COL6A6: variants seen among roughly 807,000 people sequenced by gnomAD.
COL6A6 encodes collagen type VI alpha 6 chain, also known as collagen alpha-6(VI) chain.
A neutral mutation model predicts 208.6 loss-of-function variants in COL6A6; 183 were observed. The observed-to-expected ratio is 0.88, with a 90% CI of 0.78 to 0.99. The LOEUF is 0.99. Among genes scored for constraint, COL6A6 ranks in the 50% least tolerant of loss-of-function variants. COL6A6 has a pLI of 0.00. For synonymous variants in COL6A6, 973 were observed against 1,011.8 expected, an observed-to-expected ratio of 0.96 and a Z score of 0.73; for missense variants, 2,816 against 2,815.2, an observed-to-expected ratio of 1.00 and a Z score of -0.01.
At chr3:130,567,728 T>C (rs952919277) in intron 5 of COL6A6, among the ~76,000 whole-genome samples, 3 of 138,386 alleles carry the variant, frequency 2.2e-5, no homozygotes, top group African/African-American at 1.1e-4. Context: ...AGGGTGCTCC[T>C]GTCATCTAAG....
In COL6A6 at chr3:130,517,328, C is replaced by A. The variant is rs995885286; in HGVS notation, c.-101C>A. ...CGCGGTGCGCCCTGCCCGCGCAGTG[C>A]GCGTCCAGAGGAAATCCGCCCCGGG... is the stretch of plus-strand genomic sequence containing the variant. On this transcript the variant is annotated 5_prime_UTR_variant, in exon 1 of 37. Transcript: ENST00000358511. 6.6e-6 allele frequency among the ~76,000 whole-genome samples: 1 copy of A among 152,252 alleles called. No homozygotes were observed. The highest frequency in any genetic ancestry group is 1.5e-5 in the Non-Finnish European group (1 of 68,048).
Position 130,550,685 on chromosome 3 carries a change from G to A in COL6A6, c.-31-9649G>A, listed in dbSNP as rs144673540. Among the ~76,000 whole-genome samples, 3 of 152,254 alleles carry A rather than the reference G, an allele frequency of 2.0e-5. No homozygotes were observed. In the East Asian group the frequency reaches 5.8e-4, roughly 29 times the overall value. On this transcript the variant is annotated intron_variant, in intron 1 of 36. Coordinates refer to ENST00000358511, the MANE Select transcript of COL6A6 (RefSeq NM_001102608.3). ...AGACTTATTCACTATCACAAGAATA[G>A]CAAGGGAAAGACCAGCCCCAAGATT...
chr3:130,641,198 G>A (rs532970203), intron 28 of COL6A6, among the ~76,000 whole-genome samples: 32 of 144,442 alleles, frequency 2.2e-4, no homozygotes, highest in Non-Finnish European at 4.4e-4. Context: ...AACAGTAAGG[G>A]ACTAACTAAA....
intron 12 of COL6A6, 136 bp from the exon 13 acceptor site, chr3:130,590,905 C>T: frequency 1.4e-6 from 1 of 694,196 alleles, no homozygotes; most frequent in Non-Finnish European, 2.6e-6. Context: ...ATGCAACCTA[C>T]ATTGGGAAGG....
chr3:130,626,946 T>C (rs914105900), intron 25 of COL6A6, among the ~76,000 whole-genome samples: 6 of 152,168 alleles, frequency 3.9e-5, no homozygotes, highest in Non-Finnish European at 7.3e-5. Context: ...TGTTTTTGTC[T>C]AGCAAACTGA....
chr3:130,585,964 T>C (rs2063531164), intron 10 of COL6A6, among the ~76,000 whole-genome samples: 1 of 152,210 alleles, frequency 6.6e-6, no homozygotes, highest in African/African-American at 2.4e-5. Flanking sequence ...ACATGTATTT[T>C]CTGTTTTTGA....
chr3:130,653,860 C>A (rs1269004019), intron 33 of COL6A6, among the ~76,000 whole-genome samples: 1 of 152,050 alleles, frequency 6.6e-6, no homozygotes, highest in East Asian at 1.9e-4. Flanking sequence ...GTGCAGACCC[C>A]CTGTGGACTC....
chr3:130,663,450 G>A (rs1404952443), intron 35 of COL6A6, among the ~76,000 whole-genome samples: 1 of 152,114 alleles, frequency 6.6e-6, no homozygotes, highest in Non-Finnish European at 1.5e-5. Flanking sequence ...TGAAATTTAT[G>A]TGGATGTATT....
chr3:130,566,102 G>T (rs1055001550), intron 4 of COL6A6, among the ~76,000 whole-genome samples: 11 of 152,126 alleles, frequency 7.2e-5, no homozygotes, highest in African/African-American at 2.7e-4. Flanking sequence ...ATCCACCAGT[G>T]CAGGGACAGA....
chr3:130,573,089 G>C (rs2063203247), intron 7 of COL6A6, among the ~76,000 whole-genome samples: 1 of 152,094 alleles, frequency 6.6e-6, no homozygotes, highest in Admixed American at 6.5e-5. Flanking sequence ...AGCAGAAAGG[G>C]GCTGATAAAA....
chr3:130,584,626 T>G lies in COL6A6; in HGVS notation c.3971-1880T>G, dbSNP rs142549273. 3.7e-3 allele frequency among the ~76,000 whole-genome samples: 563 copies of G among 152,170 alleles called. 2 individuals are homozygous for G. Among genetic ancestry groups the G allele is most frequent in the African/African-American group, 0.013 (534 of 41,522 alleles). ...TTTTTTTATTTTTTAAATTAATTTA[T>G]TTTTTTGAGATGGAGTCTTGCCCTG... is the stretch of plus-strand genomic sequence containing the variant. On this transcript the variant is annotated intron_variant, in intron 10 of 36. Coordinates refer to ENST00000358511, the MANE Select transcript of COL6A6 (RefSeq NM_001102608.3).
At chr3:130,613,607 A>G (rs752863142) in intron 23 of COL6A6, among the ~76,000 whole-genome samples, 1 of 152,204 alleles carries the variant, frequency 6.6e-6, no homozygotes, top group Non-Finnish European at 1.5e-5. Context: ...TTTGGGCAGC[A>G]TGGCCATTTT....
chr3:130,565,226 C>A lies in COL6A6; in HGVS notation c.894C>A (p.Asn298Lys), dbSNP rs1232172659. The change falls in exon 4 of 37, where the codon AAC becomes AAA. Residue 298 changes from asparagine (N) to lysine (K), a missense_variant. Transcript: ENST00000358511. ...CAGAGGTTCTCCAGCATATACAGAA[C>A]CTTTCTCCCCGAACTGGGAAGGCCT... Reference protein sequence around the residue: ...NKSEVLQHIQNLSPRTGKAYT... With the variant: ...NKSEVLQHIQKLSPRTGKAYT... 1 of 1,614,010 alleles carries A rather than the reference C, an allele frequency of 6.2e-7. No individual in the cohort carries two copies. The highest frequency in any genetic ancestry group is 1.1e-5 in the South Asian group (1 of 91,082).
chr3:130,570,204 C>T (rs1035945919), intron 6 of COL6A6, among the ~76,000 whole-genome samples: 2 of 152,152 alleles, frequency 1.3e-5, no homozygotes, highest in African/African-American at 4.8e-5. Context: ...TAGCATCATG[C>T]TAGAACAGCT....
intron 33 of COL6A6, among the ~76,000 whole-genome samples, chr3:130,651,737 T>A (rs1039819924): frequency 6.6e-5 from 10 of 152,216 alleles, no homozygotes; most frequent in Non-Finnish European, 4.4e-5. Flanking sequence ...TCCTTGTAAT[T>A]CCCTTATCCC....
intron 8 of COL6A6, among the ~76,000 whole-genome samples, chr3:130,576,665 C>CA (rs3993280): frequency 0.87 from 131,630 of 150,636 alleles, 59,108 homozygotes; most frequent in Non-Finnish European, 0.97. Context: ...GTCATGAATG[C>CA]AAAAAAAAAT....
chr3:130,606,508 C>T (rs1576317342), intron 20 of COL6A6, among the ~76,000 whole-genome samples: 1 of 152,226 alleles, frequency 6.6e-6, no homozygotes, highest in South Asian at 2.1e-4. Context: ...CCAGTTTTTC[C>T]TCTGGCCTCC....
chr3:130,623,248 G>A (rs141119452), intron 24 of COL6A6, among the ~76,000 whole-genome samples: 13,234 of 152,038 alleles, frequency 0.087, 805 homozygotes, highest in Admixed American at 0.19. Flanking sequence ...ACTTGAGGTC[G>A]GGAGTTCCAG....
intron 24 of COL6A6, among the ~76,000 whole-genome samples, chr3:130,622,209 C>T (rs971679633): frequency 4.2e-5 from 6 of 143,648 alleles, no homozygotes; most frequent in South Asian, 2.3e-4. Context: ...GCCTACCCCC[C>T]CCTTTTTTTT....
Sources: allele counts gnomAD v4.1 joint callset (sites outside exome capture counted in the v4.1 genomes callset), GRCh38; gene constraint gnomAD v4.1.1; transcripts MANE v1.5; gene names NCBI Gene and HGNC (gene_info 2026-07-23, HGNC 2026-07-21).